Variants in ZNF609 observed in about 807,000 individuals in gnomAD.
ZNF609 encodes the protein zinc finger protein 609.
A neutral mutation model predicts 109.5 loss-of-function variants in ZNF609; 11 were observed. The observed-to-expected ratio is 0.10, with a 90% confidence interval of 0.06 to 0.17. The LOEUF is 0.17. Ranked by LOEUF, ZNF609 falls within the 10% of genes least tolerant of loss-of-function variation. The pLI is 1.00. For synonymous variants in ZNF609, 646 were observed against 662.0 expected, an observed-to-expected ratio of 0.98 and a Z score of 0.37; for missense variants, 1,559 against 1,772.4, an observed-to-expected ratio of 0.88 and a Z score of 2.16.
chr15:64,581,390 C>T (rs1895101980), intron 2 of ZNF609, among the ~76,000 whole-genome samples: 1 of 152,124 alleles, frequency 6.6e-6, no homozygotes, highest in African/African-American at 2.4e-5. Context: ...TCCAGGAAAG[C>T]CCTGTGAACA....
chr15:64,469,771 G>T (rs116539333), intron 1 of ZNF609, among the ~76,000 whole-genome samples: 2 of 152,202 alleles, frequency 1.3e-5, no homozygotes, highest in African/African-American at 4.8e-5. Context: ...GCTCACGCCT[G>T]TAATCCTAGC....
At chr15:64,604,941 C>A (rs975132167) in intron 2 of ZNF609, among the ~76,000 whole-genome samples, 3 of 152,128 alleles carry the variant, frequency 2.0e-5, no homozygotes, top group African/African-American at 7.2e-5. Flanking sequence ...ACGCCATTCT[C>A]CTGCCTCAGC....
At chr15:64,489,528 C>CT (rs10577073) in intron 1 of ZNF609, among the ~76,000 whole-genome samples, 39 of 113,666 alleles carry the variant, frequency 3.4e-4, no homozygotes, top group Non-Finnish European at 4.5e-4. Flanking sequence ...CCATTATTCA[C>CT]TTTTTTTTTT....
chr15:64,647,711 TA>T (rs992490918), intron 3 of ZNF609, among the ~76,000 whole-genome samples: 2 of 152,164 alleles, frequency 1.3e-5, no homozygotes, highest in African/African-American at 4.8e-5. Context: ...TTATATGGTT[TA>T]AAAAAAGATA....
intron 2 of ZNF609, chr15:64,528,518 C>G (rs1894006496): frequency 2.0e-6 from 1 of 500,506 alleles, no homozygotes; most frequent in African/African-American, 1.9e-5. Flanking sequence ...GTGGGGCACC[C>G]TAGGCCCCTC....
intron 2 of ZNF609, among the ~76,000 whole-genome samples, chr15:64,514,101 A>C (rs1893773761): frequency 6.6e-6 from 1 of 151,938 alleles, no homozygotes; most frequent in Non-Finnish European, 1.5e-5. Flanking sequence ...AAAAAAAAAA[A>C]AAACCACCAG....
At chr15:64,641,068 A>G (rs1007915760) in intron 3 of ZNF609, among the ~76,000 whole-genome samples, 1 of 152,120 alleles carries the variant, frequency 6.6e-6, no homozygotes, top group African/African-American at 2.4e-5. Flanking sequence ...TAGCAGTACC[A>G]GATCTGAATG....
At chr15:64,602,912 T>TGTA in intron 2 of ZNF609, among the ~76,000 whole-genome samples, 1 of 133,040 alleles carries the variant, frequency 7.5e-6, no homozygotes, top group African/African-American at 2.9e-5. Context: ...TTTTTTTTTT[T>TGTA]TTTTTTGTAT....
chr15:64,642,333 A>T (rs186381229), intron 3 of ZNF609, among the ~76,000 whole-genome samples: 89 of 152,120 alleles, frequency 5.9e-4, no homozygotes, highest in Non-Finnish European at 1.1e-3. Context: ...ACAGGCGTGT[A>T]CCACCATGTC....
At chr15:64,568,187 A>G (rs1006142518) in intron 2 of ZNF609, among the ~76,000 whole-genome samples, 2 of 152,162 alleles carry the variant, frequency 1.3e-5, no homozygotes, top group African/African-American at 4.8e-5. Flanking sequence ...AAACATGAGG[A>G]CATTTGCTTA....
At chr15:64,536,406 C>G (rs1169245534) in intron 2 of ZNF609, among the ~76,000 whole-genome samples, 1 of 152,204 alleles carries the variant, frequency 6.6e-6, no homozygotes, top group East Asian at 1.9e-4. Flanking sequence ...TCCAGACTTC[C>G]TGGGAATTCA....
At chr15:64,500,434 T>C (rs1226710106) in intron 2 of ZNF609, 2 of 690,562 alleles carry the variant, frequency 2.9e-6, no homozygotes, top group Non-Finnish European at 5.2e-6. Context: ...TTCTGTAGTC[T>C]GAGTTGAGAC....
At chr15:64,497,346 T>C (rs539969059) in intron 1 of ZNF609, among the ~76,000 whole-genome samples, 264 of 152,270 alleles carry the variant, frequency 1.7e-3, no homozygotes, top group Non-Finnish European at 2.0e-3. Flanking sequence ...GGCAGATAAA[T>C]GTGCACACCT....
At chr15:64,662,448 C>T (rs1216328880) in intron 3 of ZNF609, among the ~76,000 whole-genome samples, 1 of 152,090 alleles carries the variant, frequency 6.6e-6, no homozygotes, top group Non-Finnish European at 1.5e-5. Context: ...ATGTCAGCCT[C>T]CATAGTAGTT....
chr15:64,634,825 T>G (rs1595747780), intron 3 of ZNF609, among the ~76,000 whole-genome samples: 1 of 152,092 alleles, frequency 6.6e-6, no homozygotes, highest in Non-Finnish European at 1.5e-5. Context: ...GACCACCACA[T>G]GGCAACAGCA....
At chr15:64,470,534 T>A (rs1388696858) in intron 1 of ZNF609, 1 of 152,170 alleles carries the variant, frequency 6.6e-6, no homozygotes, top group African/African-American at 2.4e-5. Context: ...AGTTTTTTTT[T>A]TCTTTTTGAG....
Position 64,536,734 on chromosome 15 carries a change from CA to C in ZNF609, c.747+36578del, listed in dbSNP as rs1462081674. Among the ~76,000 whole-genome samples, 48 of 123,732 alleles carry C rather than the reference CA, an allele frequency of 3.9e-4. 1 individual carries two copies. In the East Asian group the frequency reaches 7.1e-3, roughly 18 times the overall value. The allele number at this position is 123,732 out of a possible 152,430, so 81.2% of individuals were successfully genotyped here. On this transcript the variant is annotated intron_variant, in intron 2 of 9. Coordinates refer to ENST00000326648, the MANE Select transcript of ZNF609 (RefSeq NM_015042.2). The stretch of plus-strand genomic sequence containing the variant: ...TCTACTAAAATTCCACCCCCCCCCC[CA>C]AAAAAAAAATTAGCTGGCAGGCAAG...
At chr15:64,482,600 A>G (rs1225688804) in intron 1 of ZNF609, among the ~76,000 whole-genome samples, 3 of 152,210 alleles carry the variant, frequency 2.0e-5, no homozygotes, top group Admixed American at 6.5e-5. Context: ...TGAAGGGACT[A>G]AAAACTACAC....
intron 1 of ZNF609, among the ~76,000 whole-genome samples, chr15:64,485,413 G>A (rs1044039653): frequency 2.6e-5 from 4 of 152,202 alleles, no homozygotes; most frequent in Middle Eastern, 3.4e-3. Flanking sequence ...GTTTAACGGC[G>A]GTAGAAATTT....
Sources: gnomAD v4.1 joint callset for allele counts (sites outside exome capture counted in the v4.1 genomes callset) on GRCh38, gnomAD v4.1.1 for gene constraint, MANE v1.5 for transcripts, NCBI Gene and HGNC (gene_info 2026-07-23, HGNC 2026-07-21) for gene names.